Variants in DLG2 observed in about 807,000 individuals in gnomAD.
The protein encoded by DLG2 is disks large homolog 2.
A neutral mutation model predicts 132.5 loss-of-function variants in DLG2; 45 were observed. The observed-to-expected ratio is 0.34, with a 90% CI of 0.27 to 0.44. The LOEUF is 0.44. DLG2 is among the 20% of genes least tolerant of loss of function. DLG2 has a pLI of 1.00. For missense variants in DLG2, 1,045 were observed against 1,196.9 expected (o/e 0.87, Z 1.87); for synonymous variants, 424 against 419.6 (o/e 1.01, Z -0.13).
intron 7 of DLG2, among the ~76,000 whole-genome samples, chr11:84,423,294 A>G (rs944089771): frequency 6.6e-6 from 1 of 152,150 alleles, no homozygotes. Context: ...AAAATAATAC[A>G]TTCAGGTTTG....
At chr11:84,967,386 T>C (rs1174118479) in intron 6 of DLG2, among the ~76,000 whole-genome samples, 2 of 152,116 alleles carry the variant, frequency 1.3e-5, no homozygotes, top group Non-Finnish European at 2.9e-5. Context: ...GTAGCCCTGA[T>C]AGAAGAGACT....
At chr11:84,714,642 TCTC>T (rs2060973283) in intron 6 of DLG2, among the ~76,000 whole-genome samples, 2 of 141,906 alleles carry the variant, frequency 1.4e-5, no homozygotes, top group Admixed American at 7.0e-5. Context: ...TCTCTCTCTC[TCTC>T]TTTCTCTCTC....
chr11:85,410,748 T>TA (rs1248630018), intron 3 of DLG2, among the ~76,000 whole-genome samples: 10 of 151,842 alleles, frequency 6.6e-5, no homozygotes, highest in Non-Finnish European at 1.3e-4. Flanking sequence ...AACAAATGAG[T>TA]ACACTATGGT....
intron 10 of DLG2, among the ~76,000 whole-genome samples, chr11:84,062,178 T>TAAA (rs1324110226): frequency 6.6e-6 from 1 of 152,186 alleles, no homozygotes; most frequent in African/African-American, 2.4e-5. Flanking sequence ...ATAGCCTAAA[T>TAAA]CAGATGTTCA....
chr11:85,083,261 G>A (rs1462942717), intron 6 of DLG2, among the ~76,000 whole-genome samples: 1 of 152,132 alleles, frequency 6.6e-6, no homozygotes, highest in Admixed American at 6.5e-5. Context: ...CTGAATGGGG[G>A]AGCCTCCTGG....
chr11:83,668,068 TAAAA>T (rs3040176), intron 18 of DLG2, among the ~76,000 whole-genome samples: 3 of 79,716 alleles, frequency 3.8e-5, no homozygotes, highest in Non-Finnish European at 7.5e-5. Context: ...GGAAATGAAG[TAAAA>T]AAAAAAAAAA....
chr11:85,012,139 T>TGGAG (rs1566644270), intron 6 of DLG2, among the ~76,000 whole-genome samples: 3,920 of 77,914 alleles, frequency 0.05, 848 homozygotes, highest in East Asian at 0.13. Context: ...CTGACCAACA[T>TGGAG]AATCTATGTG....
At chr11:84,687,628 C>G (rs2099739264) in intron 6 of DLG2, among the ~76,000 whole-genome samples, 1 of 152,112 alleles carries the variant, frequency 6.6e-6, no homozygotes, top group African/African-American at 2.4e-5. Flanking sequence ...ACAATAGCCT[C>G]CAGGTATTCA....
chr11:85,594,458 T>C lies in DLG2; in HGVS notation c.40+4199A>G, dbSNP rs748417261. 3.0e-4 allele frequency among the ~76,000 whole-genome samples: 45 copies of C among 152,240 alleles called. 1 individual carries two copies. In the Middle Eastern group the frequency reaches 0.01, roughly 35 times the overall value. Reference sequence around the variant, plus strand: ...ACCGCTTGTTCTCCTCTAATTTCCCTCTAATTCCTCTCCAAAAAATTCCCC... The same window carrying C: ...ACCGCTTGTTCTCCTCTAATTTCCCCCTAATTCCTCTCCAAAAAATTCCCC... On this transcript the variant is annotated intron_variant, in intron 3 of 27. Transcript: ENST00000376104.
At chr11:85,038,276 G>C (rs1184478173) in intron 6 of DLG2, among the ~76,000 whole-genome samples, 1 of 152,196 alleles carries the variant, frequency 6.6e-6, no homozygotes, top group South Asian at 2.1e-4. Context: ...AGTTCCTTGA[G>C]ATAATTTTTG....
chr11:85,131,827 A>C (rs889822107), intron 5 of DLG2, among the ~76,000 whole-genome samples: 1 of 152,160 alleles, frequency 6.6e-6, no homozygotes, highest in African/African-American at 2.4e-5. Context: ...TCACAATGGG[A>C]CATCTACACT....
chr11:84,681,827 GA>G lies in DLG2; in HGVS notation c.358-147097del, dbSNP rs1226271556. On this transcript the variant is annotated intron_variant, in intron 6 of 27. Transcript: ENST00000376104. ...CAATGTGGAAAAATTGAACCTTATT[GA>G]AAAAAAAAAAACAAACCCTCTTTTC... Among the ~76,000 whole-genome samples, 189 of 140,782 alleles carry G rather than the reference GA, an allele frequency of 1.3e-3. 1 individual carries two copies. The highest frequency in any genetic ancestry group is 3.6e-3 in the African/African-American group (140 of 38,574). The allele number at this position is 140,782 out of a possible 152,430, so 92.4% of individuals were successfully genotyped here.
chr11:84,624,012 A>G (rs918868456), intron 6 of DLG2, among the ~76,000 whole-genome samples: 1 of 152,178 alleles, frequency 6.6e-6, no homozygotes, highest in African/African-American at 2.4e-5. Flanking sequence ...GTACTCAGGG[A>G]TTATTTACTG....
chr11:84,033,634 A>T (rs1174511650), intron 11 of DLG2, among the ~76,000 whole-genome samples: 1 of 152,192 alleles, frequency 6.6e-6, no homozygotes, highest in East Asian at 1.9e-4. Flanking sequence ...TTTTGAAGGA[A>T]GTTCTAATGT....
intron 25 of DLG2, 70 bp downstream of exon 25, chr11:83,469,126 CAAAAA>C: frequency 1.0e-6 from 1 of 979,078 alleles, no homozygotes; most frequent in Non-Finnish European, 1.4e-6. Context: ...GAGTAATGAC[CAAAAA>C]AAAAAAAAAA....
intron 3 of DLG2, among the ~76,000 whole-genome samples, chr11:85,454,993 T>C (rs2092373282): frequency 1.3e-5 from 2 of 152,194 alleles, no homozygotes; most frequent in South Asian, 4.1e-4. Context: ...TATAATTGTT[T>C]GGGGTATTTG....
At chr11:85,514,481 C>T (rs561400043) in intron 3 of DLG2, among the ~76,000 whole-genome samples, 32 of 152,018 alleles carry the variant, frequency 2.1e-4, no homozygotes, top group South Asian at 1.7e-3. Flanking sequence ...CTCTAACTTT[C>T]CTGGTGGAAA....
At chr11:85,331,643 C>T (rs759797332) in intron 3 of DLG2, among the ~76,000 whole-genome samples, 2 of 152,090 alleles carry the variant, frequency 1.3e-5, no homozygotes, top group Non-Finnish European at 2.9e-5. Context: ...GTAGTAGGCC[C>T]CGGTGGCTAT....
intron 4 of DLG2, among the ~76,000 whole-genome samples, chr11:85,174,054 C>G (rs1364649467): frequency 6.6e-6 from 1 of 152,150 alleles, no homozygotes; most frequent in African/African-American, 2.4e-5. Context: ...CAATGTTAGA[C>G]AGATCACCAA....
Sources: gnomAD v4.1 joint callset for allele counts (sites outside exome capture counted in the v4.1 genomes callset) on GRCh38, gnomAD v4.1.1 for gene constraint, MANE v1.5 for transcripts, NCBI Gene and HGNC (gene_info 2026-07-23, HGNC 2026-07-21) for gene names.